Variants in LMX1A observed in about 807,000 individuals in gnomAD.
The protein encoded by LMX1A is LIM homeobox transcription factor 1-alpha.
A neutral mutation model predicts 49.1 loss-of-function variants in LMX1A; 15 were observed. The observed-to-expected ratio is 0.31, with a 90% CI of 0.20 to 0.47. LMX1A has a LOEUF of 0.47. Among genes scored for constraint, LMX1A ranks in the 20% least tolerant of loss-of-function variants. The probability of loss-of-function intolerance (pLI) is 1.00; values close to 1 mark genes in which losing one functional copy is unlikely to be tolerated. For missense variants in LMX1A, 372 were observed against 475.8 expected (o/e 0.78, Z 2.03); for synonymous variants, 167 against 185.7 (o/e 0.90, Z 0.82).
chr1:165,223,429 C>T (rs149294642), intron 4 of LMX1A, among the ~76,000 whole-genome samples: 1 of 152,246 alleles, frequency 6.6e-6, no homozygotes, highest in Non-Finnish European at 1.5e-5. Flanking sequence ...CTCTTTTAGA[C>T]CCAGAATAAG....
At chr1:165,265,749 T>C (rs1221360579) in intron 3 of LMX1A, among the ~76,000 whole-genome samples, 2 of 152,110 alleles carry the variant, frequency 1.3e-5, no homozygotes, top group African/African-American at 4.8e-5. Context: ...CTTAACTCCA[T>C]GAAGAAAAAT....
At chr1:165,306,486 C>T (rs895163400) in intron 3 of LMX1A, among the ~76,000 whole-genome samples, 29 of 152,206 alleles carry the variant, frequency 1.9e-4, no homozygotes, top group African/African-American at 6.5e-4. Context: ...TAGTCTGAAA[C>T]AAAGTTGCCC....
chr1:165,337,254 C>T (rs927360013), intron 3 of LMX1A, among the ~76,000 whole-genome samples: 1 of 152,076 alleles, frequency 6.6e-6, no homozygotes, highest in Non-Finnish European at 1.5e-5. Context: ...TTACTCTAAA[C>T]ATAACAATAT....
In LMX1A at chr1:165,201,962, C is replaced by G. The variant is rs536119564; in HGVS notation, c.*1918G>C. 1 of 152,564 alleles carries G rather than the reference C, an allele frequency of 6.6e-6. No individual in the cohort carries two copies. Among genetic ancestry groups the G allele is most frequent in the Admixed American group, 6.6e-5 (1 of 15,262 alleles). The allele number at this position is 152,564 out of a possible 1,614,324, so 9.5% of individuals were successfully genotyped here. The stretch of plus-strand genomic sequence containing the variant: ...TCACTCACATAGTATCTCCTACATT[C>G]TCCAACTGGTCTTTACCACAGAAAC... On this transcript the variant is annotated 3_prime_UTR_variant, in exon 9 of 9. Coordinates refer to ENST00000342310, the MANE Select transcript of LMX1A (RefSeq NM_177398.4).
Position 165,256,449 on chromosome 1 carries a change from T to C in LMX1A, c.264-6809A>G, listed in dbSNP as rs1417561039. On this transcript the variant is annotated intron_variant, in intron 3 of 8. Transcript: ENST00000342310. ...CTCTGTTTCCTAGGTCTCCACACACTTTCAACCAGAGAAACCCACTCCATT... is the reference window on the plus strand; with the variant it reads ...CTCTGTTTCCTAGGTCTCCACACACCTTCAACCAGAGAAACCCACTCCATT... Among the ~76,000 whole-genome samples the C allele has an allele frequency of 2.0e-5, 3 of 152,170 alleles. No homozygotes were observed. In the East Asian group the frequency reaches 5.8e-4, roughly 29 times the overall value.
At chr1:165,320,160 C>CTTT (rs1351899644) in intron 3 of LMX1A, among the ~76,000 whole-genome samples, 1 of 152,176 alleles carries the variant, frequency 6.6e-6, no homozygotes, top group Non-Finnish European at 1.5e-5. Flanking sequence ...TGATAAGTGT[C>CTTT]TGTTCATGTC....
At chr1:165,295,962 C>G (rs926225396) in intron 3 of LMX1A, among the ~76,000 whole-genome samples, 2 of 152,182 alleles carry the variant, frequency 1.3e-5, no homozygotes, top group African/African-American at 2.4e-5. Context: ...TTCTCTTGCT[C>G]TAAATATTTC....
intron 3 of LMX1A, among the ~76,000 whole-genome samples, chr1:165,308,613 T>G (rs1342880353): frequency 6.6e-6 from 1 of 152,232 alleles, no homozygotes; most frequent in Non-Finnish European, 1.5e-5. Context: ...AACGATTCTA[T>G]AAAACAAACA....
At chr1:165,297,142 G>A (rs1228124810) in intron 3 of LMX1A, among the ~76,000 whole-genome samples, 2 of 152,194 alleles carry the variant, frequency 1.3e-5, no homozygotes, top group Admixed American at 6.5e-5. Context: ...GAATGAGCAC[G>A]TGAAACTCCC....
rs1571241114 is a variant in LMX1A, at chr1:165,355,418, G to T, written c.76+66C>A. 6.6e-7 allele frequency: 1 copy of T among 1,509,266 alleles called. No homozygotes were observed. The highest frequency in any genetic ancestry group is 9.2e-7 in the Non-Finnish European group (1 of 1,091,030). The allele number at this position is 1,509,266 out of a possible 1,614,324, so 93.5% of individuals were successfully genotyped here. On this transcript the variant is annotated intron_variant, in intron 2 of 8. Transcript: ENST00000342310. The surrounding 1 kb of genome is among the most constrained non-coding windows in gnomAD (Gnocchi z 4.7). ...TATCGCGGACCAGGTCCCAGAGAGCGGGGCTCCAGAGCTCAGCGCCAAGCG... is the reference window on the plus strand; with the variant it reads ...TATCGCGGACCAGGTCCCAGAGAGCTGGGCTCCAGAGCTCAGCGCCAAGCG...
At chr1:165,321,257 A>G (rs901244065) in intron 3 of LMX1A, among the ~76,000 whole-genome samples, 2 of 152,162 alleles carry the variant, frequency 1.3e-5, no homozygotes, top group South Asian at 4.1e-4. Flanking sequence ...ATAGGTAGTT[A>G]CTGCTAATGG....
At chr1:165,237,210 C>T (rs1452420515) in intron 4 of LMX1A, among the ~76,000 whole-genome samples, 1 of 152,132 alleles carries the variant, frequency 6.6e-6, no homozygotes. Context: ...AGAAGGAATG[C>T]TTGTACACTC....
intron 7 of LMX1A, among the ~76,000 whole-genome samples, chr1:165,206,325 G>A (rs1357638820): frequency 3.3e-5 from 5 of 152,138 alleles, no homozygotes; most frequent in Non-Finnish European, 5.9e-5. Context: ...ATCTTTCTAC[G>A]ATAACCCAGT....
intron 3 of LMX1A, among the ~76,000 whole-genome samples, chr1:165,339,422 G>C (rs1016382802): frequency 6.6e-6 from 1 of 152,208 alleles, no homozygotes; most frequent in African/African-American, 2.4e-5. Context: ...TGGGGAATTG[G>C]CCATGTGGTG....
At chr1:165,253,065 T>C (rs1455216589) in intron 3 of LMX1A, among the ~76,000 whole-genome samples, 3 of 152,206 alleles carry the variant, frequency 2.0e-5, no homozygotes, top group Non-Finnish European at 4.4e-5. Context: ...TTCATGTACA[T>C]AAACAAGTAT....
At chr1:165,277,775 G>A (rs1654012520) in intron 3 of LMX1A, among the ~76,000 whole-genome samples, 1 of 152,188 alleles carries the variant, frequency 6.6e-6, no homozygotes, top group Non-Finnish European at 1.5e-5. Context: ...GAGCAAGGAA[G>A]GTGGGGATCT....
intron 4 of LMX1A, among the ~76,000 whole-genome samples, chr1:165,236,156 G>C (rs888995412): frequency 6.6e-6 from 1 of 152,192 alleles, no homozygotes; most frequent in African/African-American, 2.4e-5. Flanking sequence ...TCAAACTGTT[G>C]TGAGCAGACG....
chr1:165,328,933 C>G (rs181531158), intron 3 of LMX1A, among the ~76,000 whole-genome samples: 5 of 152,304 alleles, frequency 3.3e-5, no homozygotes, highest in African/African-American at 9.6e-5. Context: ...CAATGTGCAT[C>G]AGGGCATACC....
At chr1:165,291,353 C>A (rs901478399) in intron 3 of LMX1A, among the ~76,000 whole-genome samples, 3 of 152,162 alleles carry the variant, frequency 2.0e-5, no homozygotes, top group Non-Finnish European at 4.4e-5. Flanking sequence ...GCAGCAGATA[C>A]CTGTACCTGG....
Sources: allele counts gnomAD v4.1 joint callset (sites outside exome capture counted in the v4.1 genomes callset), GRCh38; gene constraint gnomAD v4.1.1; non-coding constraint Gnocchi (gnomAD v3.1); transcripts MANE v1.5; gene names NCBI Gene and HGNC (gene_info 2026-07-23, HGNC 2026-07-21).